Variants in DPP9 observed in about 807,000 individuals in gnomAD.
DPP9 encodes the protein dipeptidyl peptidase 9, also known as dipeptidyl peptidase IV-related protein-2.
DPP9 carries 50 observed loss-of-function variants against 110.7 expected under a neutral mutation model. The observed-to-expected ratio is 0.45, with a 90% CI of 0.36 to 0.57. The LOEUF is 0.57. Ranked by LOEUF, DPP9 falls within the 20% of genes least tolerant of loss-of-function variation. The pLI, the probability that DPP9 is intolerant of heterozygous loss-of-function variation, is 0.00. For synonymous variants in DPP9, 561 were observed against 514.4 expected, an observed-to-expected ratio of 1.09 and a Z score of -1.23; for missense variants, 1,022 against 1,217.9, an observed-to-expected ratio of 0.84 and a Z score of 2.39.
At position 4,695,206 on chromosome 19, in the gene DPP9, C is replaced by T; in HGVS notation, c.1353+172G>A. ...CTCCAATGGCTGCCAGACTCACCAACCCCCCTAGACCCTCTTCCCTGCCAG... is the reference window on the plus strand; with the variant it reads ...CTCCAATGGCTGCCAGACTCACCAATCCCCCTAGACCCTCTTCCCTGCCAG... On this transcript the variant is annotated intron_variant, in intron 12 of 21. Transcript: ENST00000262960. This position sits in a 1 kb window ranked among gnomAD's most constrained non-coding sequence, Gnocchi z 4.7. 1 of 663,322 alleles carries T rather than the reference C, an allele frequency of 1.5e-6. No homozygotes were observed. Among genetic ancestry groups the T allele is most frequent in the Non-Finnish European group, 2.5e-6 (1 of 406,910 alleles). The allele number at this position is 663,322 out of a possible 1,614,324, so 41.1% of individuals were successfully genotyped here.
rs2092963729 is a variant in DPP9 at position 4,714,090 on chromosome 19, A to G, written c.304T>C (p.Tyr102His). The stretch of plus-strand genomic sequence containing the variant: ...GCAGGGCCCGGCTTACCCAGGTAGT[A>G]GAGGCGGTGGGAGTGGGGCCCAGAC... ...DESGPHSHRL[Y>H]YLGMPYGSRE... The change falls in exon 4 of 22, where the codon TAC becomes CAC. Residue 102 changes from tyrosine to histidine, a missense_variant. Coordinates refer to ENST00000262960, the MANE Select transcript of DPP9 (RefSeq NM_139159.5). The G allele has an allele frequency of 6.2e-7, 1 of 1,610,354 alleles. No homozygotes were observed. Among genetic ancestry groups the G allele is most frequent in the Admixed American group, 1.7e-5 (1 of 59,760 alleles).
chr19:4,677,434 G>C (rs2089023755), intron 21 of DPP9, among the ~76,000 whole-genome samples: 1 of 152,198 alleles, frequency 6.6e-6, no homozygotes, highest in Non-Finnish European at 1.5e-5. Flanking sequence ...CCTCCTGCCA[G>C]TGAGATGGGT....
rs1216465472 is a variant in DPP9, at chr19:4,705,206, T to C, written c.426+652A>G. Among the ~76,000 whole-genome samples the C allele has an allele frequency of 2.0e-5, 3 of 152,196 alleles. No homozygotes were observed. In the East Asian group the frequency reaches 5.8e-4, roughly 29 times the overall value. On this transcript the variant is annotated intron_variant, in intron 5 of 21. Coordinates refer to ENST00000262960, the MANE Select transcript of DPP9 (RefSeq NM_139159.5). ...TGTTTATGTTGTTACTATGTTATAA[T>C]GTTATGTTATTTTTATTGCTATATT... is the stretch of plus-strand genomic sequence containing the variant.
At chr19:4,699,158 CAAAAAAAAAAAAAAAA>C (rs144927941) in intron 10 of DPP9, among the ~76,000 whole-genome samples, 3 of 50,906 alleles carry the variant, frequency 5.9e-5, no homozygotes, top group Non-Finnish European at 1.2e-4. Context: ...GACTCCACCT[CAAAAAAAAAAAAAAAA>C]AAAAAAAAAG....
At position 4,700,370 on chromosome 19, in the gene DPP9, A is replaced by G. The variant is rs2092160083; in HGVS notation, c.1013-93T>C. 3 of 1,029,410 alleles carry G rather than the reference A, an allele frequency of 2.9e-6. No individual in the cohort carries two copies. The highest frequency in any genetic ancestry group is 4.2e-6 in the Non-Finnish European group (3 of 714,604). The allele number at this position is 1,029,410 out of a possible 1,614,324, so 63.8% of individuals were successfully genotyped here. On this transcript the variant is annotated intron_variant, in intron 9 of 21. Transcript: ENST00000262960. This position sits in a 1 kb window ranked among gnomAD's most constrained non-coding sequence, Gnocchi z 4.3. ...GGGCCTGGGCTGTGGGGTGACGTCCACAGAGAGGTGTACAATTGGAGTGGG... is the reference window on the plus strand; with the variant it reads ...GGGCCTGGGCTGTGGGGTGACGTCCGCAGAGAGGTGTACAATTGGAGTGGG...
chr19:4,679,854 C>T lies in DPP9; in HGVS notation c.2567G>A (p.Gly856Glu). The change falls in exon 21 of 22, where the codon GGG (glycine) becomes GAG (glutamate). Residue 856 changes from glycine to glutamate, a missense_variant. Transcript: ENST00000262960. ...NFLVSQLIRA[G>E]KPYQLQIYPN... Reference sequence around the variant, plus strand: ...ACCCACCTGGAGCTGGTAAGGTTTCCCTGCTCGGATCAGTTGGGAGACGAG... The same window carrying T: ...ACCCACCTGGAGCTGGTAAGGTTTCTCTGCTCGGATCAGTTGGGAGACGAG... 1 of 1,612,652 alleles carries T rather than the reference C, an allele frequency of 6.2e-7. No individual in the cohort carries two copies. The highest frequency in any genetic ancestry group is 8.5e-7 in the Non-Finnish European group (1 of 1,179,464).
Position 4,694,576 on chromosome 19 carries a change from G to C in DPP9, c.1516+85C>G, listed in dbSNP as rs768560040. The C allele has an allele frequency of 2.0e-6, 3 of 1,486,872 alleles. No individual in the cohort carries two copies. Among genetic ancestry groups the C allele is most frequent in the Non-Finnish European group, 2.7e-6 (3 of 1,110,686 alleles). 92.1% of individuals were successfully genotyped at this position (1,486,872 alleles called of 1,614,324 possible). ...TCCCGCAGGGTGTGCTGGCTGAGTG[G>C]GGGGGCCGACCAATGAACAAACAGC... On this transcript the variant is annotated intron_variant, in intron 13 of 21. Transcript: ENST00000262960. The surrounding 1 kb of genome is among the most constrained non-coding windows in gnomAD (Gnocchi z 4.0).
In DPP9 at chr19:4,704,922, C is replaced by A. The variant is rs1022575100; in HGVS notation, c.427-618G>T. On this transcript the variant is annotated intron_variant, in intron 5 of 21. Transcript: ENST00000262960. The surrounding 1 kb of genome is among the most constrained non-coding windows in gnomAD (Gnocchi z 6.0). Reference sequence around the variant, plus strand: ...GCTGAGGCAGAAGAATCACTTGAACCGGGAGGCAGAGGTTGCAGTGAGCCG... The same window carrying A: ...GCTGAGGCAGAAGAATCACTTGAACAGGGAGGCAGAGGTTGCAGTGAGCCG... Among the ~76,000 whole-genome samples the A allele has an allele frequency of 6.6e-6, 1 of 152,058 alleles. No homozygotes were observed. The highest frequency in any genetic ancestry group is 2.4e-5 in the African/African-American group (1 of 41,390).
At chr19:4,683,332 GAGA>G in intron 19 of DPP9, 142 bp downstream of exon 19, 2 of 1,468,530 alleles carry the variant, frequency 1.4e-6, no homozygotes, top group Non-Finnish European at 9.0e-7. Flanking sequence ...CTGCTGCAGG[GAGA>G]AACAGCCACG....
Position 4,684,814 on chromosome 19 carries a change from G to A in DPP9, c.2032-5C>T. 1 of 1,586,956 alleles carries A rather than the reference G, an allele frequency of 6.3e-7. No homozygotes were observed. On this transcript the variant is annotated splice_region_variant and splice_polypyrimidine_tract_variant and intron_variant, in intron 17 of 21. Coordinates refer to ENST00000262960, the MANE Select transcript of DPP9 (RefSeq NM_139159.5). This position sits in a 1 kb window ranked among gnomAD's most constrained non-coding sequence, Gnocchi z 4.8. ...GGAGTTATTCACCAGCTGCACCTGT[G>A]GGGAGGTGAGGGCCAGCAGTCCAGC...
intron 3 of DPP9, chr19:4,715,787 CCA>C (rs2093047873): frequency 6.6e-6 from 1 of 152,124 alleles, no homozygotes; most frequent in Non-Finnish European, 1.5e-5. Context: ...AAAGAATATC[CCA>C]CTCTCTCCTC....
In DPP9 at chr19:4,676,661, G is replaced by T. The variant is rs779256037; in HGVS notation, c.2587-5C>A. 6.3e-6 allele frequency: 10 copies of T among 1,595,364 alleles called. No homozygotes were observed. The highest frequency in any genetic ancestry group is 1.1e-5 in the South Asian group (1 of 88,328). On this transcript the variant is annotated splice_region_variant and splice_polypyrimidine_tract_variant and intron_variant, in intron 21 of 21. Transcript: ENST00000262960. This position sits in a 1 kb window ranked among gnomAD's most constrained non-coding sequence, Gnocchi z 4.0. ...GTGTCTCTCGTTGGGGTAGATCTGC[G>T]GGGAGACAGGAGGCAGGGCTGGGGG...
chr19:4,708,984 C>A (rs1414084524), intron 4 of DPP9, among the ~76,000 whole-genome samples: 1 of 152,232 alleles, frequency 6.6e-6, no homozygotes, highest in African/African-American at 2.4e-5. Context: ...ATGGTGCAAT[C>A]TTGGCTCGCT....
intron 21 of DPP9, among the ~76,000 whole-genome samples, chr19:4,679,039 A>T (rs1599854826): frequency 8.4e-6 from 1 of 118,936 alleles, no homozygotes. Context: ...CCACCCCTCT[A>T]TAGCAGAAGC....
At chr19:4,691,351 C>T (rs180970376) in intron 13 of DPP9, among the ~76,000 whole-genome samples, 176 of 152,030 alleles carry the variant, frequency 1.2e-3, no homozygotes, top group African/African-American at 4.0e-3. Context: ...TGGCGTGTGC[C>T]TGTGGTCCAA....
At chr19:4,690,732 C>T in intron 14 of DPP9, 146 bp downstream of exon 14, 1 of 703,968 alleles carries the variant, frequency 1.4e-6, no homozygotes, top group Non-Finnish European at 2.4e-6. Flanking sequence ...GCAGGGTCCT[C>T]ACAGGTGTGT....
At chr19:4,690,108 C>T (rs187903023) in intron 14 of DPP9, among the ~76,000 whole-genome samples, 89 of 152,346 alleles carry the variant, frequency 5.8e-4, no homozygotes, top group African/African-American at 2.1e-3. Flanking sequence ...GCCGTTCCTC[C>T]GACCCAGGTG....
chr19:4,679,546 G>A (rs2089489081), intron 21 of DPP9: 1 of 443,144 alleles, frequency 2.3e-6, no homozygotes, highest in African/African-American at 2.0e-5. Flanking sequence ...TTCGGTAAGG[G>A]TTCCTCCCTC....
rs2090853841 is a variant in DPP9 at position 4,687,343 on chromosome 19, G to C, written c.1885+1414C>G. On this transcript the variant is annotated intron_variant, in intron 16 of 21. Coordinates refer to ENST00000262960, the MANE Select transcript of DPP9 (RefSeq NM_139159.5). This position sits in a 1 kb window ranked among gnomAD's most constrained non-coding sequence, Gnocchi z 4.7. Reference sequence around the variant, plus strand: ...GGCCAGGGTGGGTTGTCCTTGTACTGAGTGATGCCTGGGAGCCCAGCAGTG... The same window carrying C: ...GGCCAGGGTGGGTTGTCCTTGTACTCAGTGATGCCTGGGAGCCCAGCAGTG... Among the ~76,000 whole-genome samples, 1 of 152,230 alleles carries C rather than the reference G, an allele frequency of 6.6e-6. No homozygotes were observed. The highest frequency in any genetic ancestry group is 2.4e-5 in the African/African-American group (1 of 41,474).
Sources: gnomAD v4.1 joint callset for allele counts (sites outside exome capture counted in the v4.1 genomes callset) on GRCh38, gnomAD v4.1.1 for gene constraint, Gnocchi (gnomAD v3.1) non-coding constraint, MANE v1.5 for transcripts, NCBI Gene and HGNC (gene_info 2026-07-23, HGNC 2026-07-21) for gene names.